The following STK3 variants were observed in gnomAD, a reference collection of about 807,000 sequenced individuals.
STK3 encodes the protein serine/threonine-protein kinase 3.
In STK3, 41 loss-of-function variants were observed where a neutral mutation model predicts 58.0. The ratio of observed to expected loss-of-function variants is 0.71; its 90% CI spans 0.55 to 0.92. The LOEUF (loss-of-function observed/expected upper bound fraction) is 0.92. Ranked by LOEUF, STK3 falls within the 40% of genes least tolerant of loss-of-function variation. The probability of loss-of-function intolerance (pLI) is 0.00; values close to 1 mark genes in which losing one functional copy is unlikely to be tolerated. For missense variants in STK3, 479 were observed against 602.7 expected, an observed-to-expected ratio of 0.79 and a Z score of 2.15; for synonymous variants, 170 against 191.0, an observed-to-expected ratio of 0.89 and a Z score of 0.91.
chr8:98,909,762 T>C (rs1182842955), intron 1 of STK3, among the ~76,000 whole-genome samples: 3 of 152,280 alleles, frequency 2.0e-5, no homozygotes, highest in African/African-American at 4.8e-5. Context: ...CATCAGTTGA[T>C]AAATGTTTGG....
chr8:98,397,102 T>C (rs1817903517), downstream of STK3, among the ~76,000 whole-genome samples: 2 of 152,208 alleles, frequency 1.3e-5, no homozygotes, highest in South Asian at 4.1e-4. Context: ...AATCTGAACG[T>C]TACCCTTATA....
At chr8:98,411,859 C>T (rs928789413) in intron 3 of STK3, among the ~76,000 whole-genome samples, 1 of 152,166 alleles carries the variant, frequency 6.6e-6, no homozygotes, top group Non-Finnish European at 1.5e-5. Flanking sequence ...ATTCGTCTTG[C>T]TTCTCAGCTT....
intron 8 of STK3, among the ~76,000 whole-genome samples, chr8:98,578,733 C>T (rs1465477390): frequency 1.3e-5 from 2 of 152,154 alleles, no homozygotes; most frequent in East Asian, 1.9e-4. Flanking sequence ...TAAAATAATA[C>T]ATGTGTTTTC....
rs772895902 is a variant in STK3, at chr8:98,861,344, A to ATTT, written c.110+22300_110+22302dup. Among the ~76,000 whole-genome samples, 518 of 85,898 alleles carry ATTT rather than the reference A, an allele frequency of 6.0e-3. 45 individuals are homozygous for ATTT. Among genetic ancestry groups the ATTT allele is most frequent in the African/African-American group, 0.023 (487 of 20,816 alleles). 56.4% of individuals were successfully genotyped at this position (85,898 alleles called of 152,430 possible). A position where few individuals can be genotyped will look rare whatever the true frequency, so the allele number is the denominator to read the frequency against. ...TATTCTTAGGGCTTTGTTTCTTTGG[A>ATTT]TTTTTTTTTTTTTTTTTTTTTTTTT... On this transcript the variant is annotated intron_variant, in intron 3 of 12. Coordinates refer to the STK3 transcript ENST00000523601.
the STK3 span, among the ~76,000 whole-genome samples, chr8:98,358,501 G>A: frequency 1.3e-5 from 2 of 152,136 alleles, no homozygotes; most frequent in African/African-American, 2.4e-5. Flanking sequence ...AGTCGTTCTT[G>A]CCCAGTGCCT....
chr8:98,696,884 G>A (rs941004312), intron 6 of STK3, among the ~76,000 whole-genome samples: 16 of 152,284 alleles, frequency 1.1e-4, no homozygotes, highest in Middle Eastern at 6.8e-3. Context: ...AATGAGTTAG[G>A]GAGGATTCCC....
chr8:98,643,302 CTATT>C (rs1820162678), intron 6 of STK3, among the ~76,000 whole-genome samples: 1 of 152,072 alleles, frequency 6.6e-6, no homozygotes, highest in Non-Finnish European at 1.5e-5. Context: ...TTTATTATCC[CTATT>C]ATTACCTCAT....
the STK3 span, among the ~76,000 whole-genome samples, chr8:98,346,899 T>G: frequency 2.0e-5 from 3 of 151,838 alleles, no homozygotes; most frequent in Non-Finnish European, 4.4e-5. Context: ...CATATATATG[T>G]GTATAAAACT....
intron 6 of STK3, among the ~76,000 whole-genome samples, chr8:98,678,487 C>T (rs1444084380): frequency 6.6e-6 from 1 of 152,022 alleles, no homozygotes; most frequent in Non-Finnish European, 1.5e-5. Context: ...GGCTTCTTTG[C>T]ATAAGTTGCT....
At chr8:98,931,313 A>T (rs907990803) in intron 1 of STK3, among the ~76,000 whole-genome samples, 2 of 152,220 alleles carry the variant, frequency 1.3e-5, no homozygotes, top group African/African-American at 4.8e-5. Context: ...TAATAGAACA[A>T]TTGTAGGATA....
chr8:98,883,435 G>T, downstream of STK3: 1 of 491,358 alleles, frequency 2.0e-6, no homozygotes, highest in Non-Finnish European at 3.7e-6. Context: ...AAATTTCATC[G>T]AAACTATCTA....
chr8:98,768,194 C>G (rs1045487223), intron 2 of STK3, among the ~76,000 whole-genome samples: 8 of 152,038 alleles, frequency 5.3e-5, no homozygotes, highest in Non-Finnish European at 8.8e-5. Context: ...GAAATTCAAC[C>G]CTCACAATCA....
chr8:98,462,051 G>T (rs1449702561), intron 10 of STK3, among the ~76,000 whole-genome samples: 1 of 151,932 alleles, frequency 6.6e-6, no homozygotes, highest in African/African-American at 2.4e-5. Context: ...TGAGAATGGG[G>T]TATCCATCCC....
At chr8:98,889,308 A>T (rs1564084334) in intron 1 of STK3, among the ~76,000 whole-genome samples, 1 of 152,182 alleles carries the variant, frequency 6.6e-6, no homozygotes, top group Non-Finnish European at 1.5e-5. Flanking sequence ...CGACAGCAGA[A>T]ATGGCTCTCT....
chr8:98,386,728 C>T (rs1163875059), intron 1 of STK3, among the ~76,000 whole-genome samples: 1 of 152,046 alleles, frequency 6.6e-6, no homozygotes, highest in Admixed American at 6.6e-5. Context: ...GTCTGTAATC[C>T]CAGCACTTTG....
At chr8:98,787,631 T>A (rs2131560661) in intron 1 of STK3, among the ~76,000 whole-genome samples, 1 of 152,204 alleles carries the variant, frequency 6.6e-6, no homozygotes, top group South Asian at 2.1e-4. Context: ...CACACTGTCA[T>A]CAAATTATCT....
chr8:98,858,336 A>AGC (rs1836776779), intron 3 of STK3, among the ~76,000 whole-genome samples: 1 of 131,000 alleles, frequency 7.6e-6, no homozygotes, highest in African/African-American at 2.8e-5. Flanking sequence ...AGAGAGAGAG[A>AGC]GAGAGAGAGA....
At chr8:98,867,170 A>C (rs1237631592) in intron 3 of STK3, among the ~76,000 whole-genome samples, 1 of 152,192 alleles carries the variant, frequency 6.6e-6, no homozygotes, top group East Asian at 1.9e-4. Context: ...TAATCCTAGC[A>C]CGTTGGGAGG....
rs79639634 is a variant in STK3, at chr8:98,608,968, T to C, written c.685-12799A>G. ...TTGATTTGTATATCAGTGAACTTGG[T>C]TAAGTCCATCCTATGAGACAGTTCT... On this transcript the variant is annotated intron_variant, in intron 6 of 10. Coordinates refer to ENST00000419617, the MANE Select transcript of STK3 (RefSeq NM_006281.4). 1.2e-3 allele frequency among the ~76,000 whole-genome samples: 190 copies of C among 152,344 alleles called. 8 individuals carry two copies. In the East Asian group the frequency reaches 0.035, roughly 28 times the overall value.
Sources: allele counts gnomAD v4.1 joint callset (sites outside exome capture counted in the v4.1 genomes callset), GRCh38; gene constraint gnomAD v4.1.1; transcripts MANE v1.5; gene names NCBI Gene and HGNC (gene_info 2026-07-23, HGNC 2026-07-21).